Variants in NAA25 observed in about 807,000 individuals in gnomAD.
NAA25 encodes the protein N-terminal acetyltransferase B complex subunit NAA25.
Under a neutral mutation model 132.5 loss-of-function variants are expected in NAA25, and 30 were observed. The ratio of observed to expected loss-of-function variants is 0.23; its 90% CI spans 0.17 to 0.31. The LOEUF (loss-of-function observed/expected upper bound fraction) is 0.31, where lower values mean the gene tolerates loss of function less well. NAA25 is among the 10% of genes least tolerant of loss of function. The pLI is 1.00. For synonymous variants in NAA25, 359 were observed against 401.9 expected (o/e 0.89, Z 1.28); for missense variants, 771 against 1,150.4 (o/e 0.67, Z 4.77).
At chr12:112,050,142 A>G (rs1209002122) in intron 15 of NAA25, among the ~76,000 whole-genome samples, 1 of 152,130 alleles carries the variant, frequency 6.6e-6, no homozygotes, top group African/African-American at 2.4e-5. Flanking sequence ...AGGTAGTCAC[A>G]GTTCTCTGGC....
chr12:112,082,784 G>A (rs1413856200), intron 4 of NAA25, among the ~76,000 whole-genome samples: 1 of 147,526 alleles, frequency 6.8e-6, no homozygotes, highest in Non-Finnish European at 1.5e-5. Flanking sequence ...GGTGGCAGGG[G>A]GCGGGGGGTG....
chr12:112,036,901 G>A (rs990381829), intron 22 of NAA25, among the ~76,000 whole-genome samples: 1 of 150,982 alleles, frequency 6.6e-6, no homozygotes, highest in Non-Finnish European at 1.5e-5. Flanking sequence ...GTGCACGCGC[G>A]TGTGCATAAA....
chr12:112,034,163 A>G (rs1169605160), intron 22 of NAA25: 1 of 152,196 alleles, frequency 6.6e-6, no homozygotes, highest in Non-Finnish European at 1.5e-5. Context: ...GTATAAATGT[A>G]TATATACAGT....
rs1424187678 is a variant in NAA25 at position 112,049,501 on chromosome 12, G to C, written c.1729-1058C>G. On this transcript the variant is annotated intron_variant, in intron 15 of 23. Coordinates refer to ENST00000261745, the MANE Select transcript of NAA25 (RefSeq NM_024953.4). The surrounding 1 kb of genome is among the most constrained non-coding windows in gnomAD (Gnocchi z 4.7). The stretch of plus-strand genomic sequence containing the variant: ...AACATACCCTCTGATATACAGCCTT[G>C]CAGGGTTCATTTCAGGCCGCGGGAT... 1.0e-6 allele frequency: 1 copy of C among 985,778 alleles called. No homozygotes were observed. Among genetic ancestry groups the C allele is most frequent in the Non-Finnish European group, 1.2e-6 (1 of 829,970 alleles). 61.1% of individuals were successfully genotyped at this position (985,778 alleles called of 1,614,324 possible). A position where few individuals can be genotyped will look rare whatever the true frequency, so the allele number is the denominator to read the frequency against.
chr12:112,075,386 G>A (rs1041124990), intron 8 of NAA25, among the ~76,000 whole-genome samples: 3 of 151,960 alleles, frequency 2.0e-5, no homozygotes, highest in South Asian at 2.1e-4. Context: ...ACAGGGTTTC[G>A]CCATGTTGGC....
intron 2 of NAA25, among the ~76,000 whole-genome samples, chr12:112,091,560 G>A (rs1358088463): frequency 6.6e-6 from 1 of 152,138 alleles, no homozygotes; most frequent in Non-Finnish European, 1.5e-5. Flanking sequence ...AGGTGTGGTG[G>A]TGCACATCTG....
chr12:112,062,588 T>G (rs1205484810), intron 11 of NAA25, among the ~76,000 whole-genome samples: 1 of 151,330 alleles, frequency 6.6e-6, no homozygotes, highest in Non-Finnish European at 1.5e-5. Flanking sequence ...TAGCTGGGTG[T>G]GGTGGTGGGT....
At chr12:112,067,654 G>A (rs1363305528) in intron 11 of NAA25, among the ~76,000 whole-genome samples, 1 of 151,896 alleles carries the variant, frequency 6.6e-6, no homozygotes, top group Admixed American at 6.6e-5. Context: ...AGGTTGCAAT[G>A]AGCCTGGGCC....
At chr12:112,033,081 A>C (rs888723280) in intron 23 of NAA25, 152 bp downstream of exon 23, 10 of 867,528 alleles carry the variant, frequency 1.2e-5, no homozygotes, top group Non-Finnish European at 1.6e-5. Context: ...CAACACAACA[A>C]GAAACTACTG....
intron 22 of NAA25, among the ~76,000 whole-genome samples, chr12:112,035,917 C>A (rs146989491): frequency 6.6e-6 from 1 of 152,082 alleles, no homozygotes; most frequent in South Asian, 2.1e-4. Context: ...AACTCCCGGG[C>A]TCAAGCAATC....
In NAA25 at chr12:112,090,731, T is replaced by C; in HGVS notation, c.278A>G (p.His93Arg). The C allele has an allele frequency of 1.9e-6, 3 of 1,609,196 alleles. No homozygotes were observed. The highest frequency in any genetic ancestry group is 2.5e-6 in the Non-Finnish European group (3 of 1,178,814). Residue 93 changes from histidine (H) to arginine (R), a missense_variant, in exon 3 of 24, where the codon CAC (histidine) becomes CGC (arginine). Physicochemically the swap from His to Arg is conservative, Grantham distance 29. Coordinates refer to ENST00000261745, the MANE Select transcript of NAA25 (RefSeq NM_024953.4). ...QALTILYREM[H>R]RPELVTKLYE... Reference sequence around the variant, plus strand: ...ATGAAAAGAAAGAAACATACGTCGGTGCATCTCCCGGTAAAGGATAGTCAG... The same window carrying C: ...ATGAAAAGAAAGAAACATACGTCGGCGCATCTCCCGGTAAAGGATAGTCAG...
At chr12:112,059,572 T>C (rs2078595664) in intron 13 of NAA25, among the ~76,000 whole-genome samples, 1 of 152,230 alleles carries the variant, frequency 6.6e-6, no homozygotes, top group South Asian at 2.1e-4. Flanking sequence ...TGAGACAAAC[T>C]ATATTCCAGA....
chr12:112,067,899 C>T (rs1023000004), intron 11 of NAA25, among the ~76,000 whole-genome samples: 3 of 151,978 alleles, frequency 2.0e-5, no homozygotes, highest in Non-Finnish European at 4.4e-5. Context: ...CCACACCCAG[C>T]TAATTTTTTG....
intron 23 of NAA25, among the ~76,000 whole-genome samples, chr12:112,031,718 T>C (rs758642251): frequency 6.6e-6 from 1 of 151,800 alleles, no homozygotes; most frequent in Non-Finnish European, 1.5e-5. Context: ...TAACAGTACT[T>C]CCCGTATACC....
At chr12:112,030,177 C>T (rs796502902) in intron 23 of NAA25, among the ~76,000 whole-genome samples, 5 of 121,150 alleles carry the variant, frequency 4.1e-5, no homozygotes, top group African/African-American at 1.6e-4. Context: ...CGTGCCACTA[C>T]ACACCAGCCT....
chr12:112,045,204 G>A lies in NAA25; in HGVS notation c.2007-1336C>T, dbSNP rs1028347261. Among the ~76,000 whole-genome samples the A allele has an allele frequency of 9.2e-5, 14 of 152,124 alleles. No homozygotes were observed. The East Asian group carries it at 1.9e-3, about 21-fold the overall frequency. ...GTATAAAAGTCTAACTAAAAATAGC[G>A]GGTGTGGCCCGGTGCAGTGGCTAAC... On this transcript the variant is annotated intron_variant, in intron 17 of 23. Transcript: ENST00000261745.
rs1157010779 is a variant in NAA25, at chr12:112,028,734, C to T, written c.*797G>A. 1 of 152,054 alleles carries T rather than the reference C, an allele frequency of 6.6e-6. No homozygotes were observed. The highest frequency in any genetic ancestry group is 1.5e-5 in the Non-Finnish European group (1 of 68,020). The allele number at this position is 152,054 out of a possible 1,614,324, so 9.4% of individuals were successfully genotyped here. A position where few individuals can be genotyped will look rare whatever the true frequency, so the allele number is the denominator to read the frequency against. On this transcript the variant is annotated 3_prime_UTR_variant, in exon 24 of 24. Transcript: ENST00000261745. The stretch of plus-strand genomic sequence containing the variant: ...ACCTCTCTTCTTTGAAACAGTCATT[C>T]CTATCTTTCCCAAATGTATGAAAGA...
intron 1 of NAA25, among the ~76,000 whole-genome samples, chr12:112,095,632 A>G (rs1288896464): frequency 6.6e-6 from 1 of 151,250 alleles, no homozygotes. Context: ...AAAAAAAAAA[A>G]CAAGAAATGA....
At chr12:112,057,201 A>G (rs1424563232) in intron 13 of NAA25, among the ~76,000 whole-genome samples, 1 of 152,180 alleles carries the variant, frequency 6.6e-6, no homozygotes, top group Non-Finnish European at 1.5e-5. Flanking sequence ...AAAGTAAAAT[A>G]AGATAAAATA....
Sources: allele counts gnomAD v4.1 joint callset (sites outside exome capture counted in the v4.1 genomes callset), GRCh38; gene constraint gnomAD v4.1.1; non-coding constraint Gnocchi (gnomAD v3.1); transcripts MANE v1.5; gene names NCBI Gene and HGNC (gene_info 2026-07-23, HGNC 2026-07-21).